The following NPL variants were observed in gnomAD, a reference collection of about 807,000 sequenced individuals.
NPL encodes N-acetylneuraminate pyruvate lyase.
NPL carries 32 observed loss-of-function variants against 41.1 expected under a neutral mutation model. That is an observed-to-expected ratio of 0.78 (90% CI 0.59 to 1.05). The LOEUF is 1.05. NPL is among the 50% of genes least tolerant of loss of function. NPL has a pLI of 0.00. For synonymous variants in NPL, 128 were observed against 134.9 expected (o/e 0.95, Z 0.35); for missense variants, 321 against 378.4 (o/e 0.85, Z 1.26).
At chr1:182,805,941 A>G (rs1425219558) in intron 4 of NPL, among the ~76,000 whole-genome samples, 1 of 152,228 alleles carries the variant, frequency 6.6e-6, no homozygotes, top group Non-Finnish European at 1.5e-5. Context: ...CAGATTTATA[A>G]TTACAAGTCA....
At chr1:182,791,601 CT>C (rs763109252) in intron 1 of NPL, among the ~76,000 whole-genome samples, 3 of 152,134 alleles carry the variant, frequency 2.0e-5, no homozygotes, top group African/African-American at 4.8e-5. Context: ...CCAACGGCCC[CT>C]TGTTTTGAAT....
intron 1 of NPL, among the ~76,000 whole-genome samples, chr1:182,791,095 C>G (rs1265903524): frequency 6.6e-6 from 1 of 152,134 alleles, no homozygotes; most frequent in Non-Finnish European, 1.5e-5. Flanking sequence ...CAAAACCACC[C>G]TGCTTAATAA....
chr1:182,817,391 T>C (rs1461071759), intron 8 of NPL, among the ~76,000 whole-genome samples: 1 of 152,226 alleles, frequency 6.6e-6, no homozygotes, highest in Non-Finnish European at 1.5e-5. Flanking sequence ...TATTCTCTAC[T>C]CTCATACTTA....
chr1:182,829,877 G>T lies in NPL; in HGVS notation c.*969G>T. 1 of 503,302 alleles carries T rather than the reference G, an allele frequency of 2.0e-6. No homozygotes were observed. The highest frequency in any genetic ancestry group is 3.2e-5 in the South Asian group (1 of 30,870). 31.2% of individuals were successfully genotyped at this position (503,302 alleles called of 1,614,324 possible). ...CCTCCTTTTACTCTTTTCTTTCTGT[G>T]TAATGTATCAACAACTGTTTAATCT... is the stretch of plus-strand genomic sequence containing the variant. On this transcript the variant is annotated 3_prime_UTR_variant, in exon 13 of 13. Transcript: ENST00000367553.
intron 7 of NPL, among the ~76,000 whole-genome samples, chr1:182,816,194 T>C (rs965003591): frequency 2.6e-5 from 4 of 152,250 alleles, no homozygotes; most frequent in African/African-American, 9.6e-5. Flanking sequence ...TCTTTTGATG[T>C]ATCTGGATTT....
intron 6 of NPL, 82 bp downstream of exon 6, chr1:182,812,295 C>CAAA: frequency 2.5e-6 from 3 of 1,187,962 alleles, no homozygotes; most frequent in Non-Finnish European, 2.5e-6. Context: ...ACTATATTTG[C>CAAA]TATGTAGTAG....
intron 12 of NPL, 30 bp downstream of exon 12, chr1:182,825,850 G>C: frequency 6.4e-7 from 1 of 1,552,462 alleles, no homozygotes; most frequent in Non-Finnish European, 8.9e-7. Context: ...TGCTTTGTCT[G>C]CTGCTGGAGA....
At chr1:182,806,889 T>C (rs1244631256) in intron 5 of NPL, among the ~76,000 whole-genome samples, 1 of 152,218 alleles carries the variant, frequency 6.6e-6, no homozygotes, top group Non-Finnish European at 1.5e-5. Flanking sequence ...TCGCCCAGGC[T>C]GGAGTGCAGC....
chr1:182,814,079 T>C (rs1667256499), intron 6 of NPL, among the ~76,000 whole-genome samples: 1 of 152,262 alleles, frequency 6.6e-6, no homozygotes, highest in Non-Finnish European at 1.5e-5. Flanking sequence ...AAACAACAAG[T>C]ATCTACTGGT....
Position 182,803,761 on chromosome 1 carries a change from G to A in NPL, c.132G>A (p.Lys44=). The stretch of plus-strand genomic sequence containing the variant: ...ATCTTGTGAAAGAACAGGGAGTGAA[G>A]AACATTTTTGGTAAGTCAACTCTGG... ...VDYLVKEQGV[K]NIFVNGTTGE... is the part of the protein sequence containing the mutation. Residue 44 remains lysine (K), a synonymous_variant, in exon 4 of 13, where the codon AAG becomes AAA. Coordinates refer to ENST00000367553, the MANE Select transcript of NPL (RefSeq NM_030769.3). The A allele has an allele frequency of 1.9e-6, 3 of 1,611,188 alleles. No homozygotes were observed. Among genetic ancestry groups the A allele is most frequent in the Non-Finnish European group, 2.5e-6 (3 of 1,177,342 alleles).
rs78799057 is a variant in NPL, at chr1:182,824,988, G to A, written c.739-793G>A. Among the ~76,000 whole-genome samples, 589 of 152,272 alleles carry A rather than the reference G, an allele frequency of 3.9e-3. 3 individuals carry two copies. The highest frequency in any genetic ancestry group is 6.6e-3 in the Non-Finnish European group (447 of 68,024). On this transcript the variant is annotated intron_variant, in intron 11 of 12. Transcript: ENST00000367553. The stretch of plus-strand genomic sequence containing the variant: ...CATGTAAGTTAGATAATAATGGAAG[G>A]AATTTTGTTATAGCAGTGTCACCCA...
At chr1:182,822,293 A>G (rs1048107848) in intron 11 of NPL, 94 bp downstream of exon 11, 22 of 841,094 alleles carry the variant, frequency 2.6e-5, no homozygotes, top group Non-Finnish European at 4.5e-5. Flanking sequence ...GCCCTCATTA[A>G]AATTGCCCAG....
At position 182,818,523 on chromosome 1, in the gene NPL, A is replaced by C. The variant is rs1455964263; in HGVS notation, c.458-18A>C. The C allele has an allele frequency of 6.2e-7, 1 of 1,613,328 alleles. No individual in the cohort carries two copies. Among genetic ancestry groups the C allele is most frequent in the Non-Finnish European group, 8.5e-7 (1 of 1,179,994 alleles). On this transcript the variant is annotated intron_variant, in intron 8 of 12. Coordinates refer to ENST00000367553, the MANE Select transcript of NPL (RefSeq NM_030769.3). ...CTAGAGATGTGCAGATTAATGAGGCACTTATTATTTTGAGCAGTTCGTGCT... is the reference window on the plus strand; with the variant it reads ...CTAGAGATGTGCAGATTAATGAGGCCCTTATTATTTTGAGCAGTTCGTGCT...
At chr1:182,796,166 CAAAA>C (rs11419574) in intron 3 of NPL, among the ~76,000 whole-genome samples, 3 of 103,228 alleles carry the variant, frequency 2.9e-5, no homozygotes, top group African/African-American at 3.6e-5. Flanking sequence ...GGTGTGAAAT[CAAAA>C]AAAAAAAAAA....
At chr1:182,813,301 A>G (rs1467166607) in intron 6 of NPL, among the ~76,000 whole-genome samples, 4 of 152,150 alleles carry the variant, frequency 2.6e-5, no homozygotes, top group African/African-American at 9.7e-5. Context: ...CTTCTTCTTA[A>G]TGGGTTTTGT....
chr1:182,811,664 C>G (rs1667179688), intron 5 of NPL, among the ~76,000 whole-genome samples: 1 of 152,118 alleles, frequency 6.6e-6, no homozygotes, highest in Non-Finnish European at 1.5e-5. Context: ...TGATCCTCTG[C>G]CTCTAACTTA....
At position 182,828,964 on chromosome 1, in the gene NPL, G is replaced by A. The variant is rs1315083671; in HGVS notation, c.*56G>A. ...TGAGACATAATCTACCTTAAATAGT[G>A]CATTTTTTTCTCAGGGAATTTTAGA... On this transcript the variant is annotated 3_prime_UTR_variant, in exon 13 of 13. Transcript: ENST00000367553. This position sits in a 1 kb window ranked among gnomAD's most constrained non-coding sequence, Gnocchi z 4.0. The A allele has an allele frequency of 1.9e-6, 3 of 1,606,900 alleles. No individual in the cohort carries two copies. Among genetic ancestry groups the A allele is most frequent in the Non-Finnish European group, 2.5e-6 (3 of 1,178,846 alleles).
intron 12 of NPL, among the ~76,000 whole-genome samples, chr1:182,827,275 T>C (rs1464141321): frequency 6.6e-6 from 1 of 152,232 alleles, no homozygotes; most frequent in Admixed American, 6.5e-5. Flanking sequence ...TTTTAGAAGA[T>C]GGGGATTGGG....
At chr1:182,813,706 A>T (rs1667243756) in intron 6 of NPL, among the ~76,000 whole-genome samples, 1 of 152,212 alleles carries the variant, frequency 6.6e-6, no homozygotes, top group East Asian at 1.9e-4. Context: ...GTATAGGGGT[A>T]GTCTTGCCAA....
Sources: gnomAD v4.1 joint callset for allele counts (sites outside exome capture counted in the v4.1 genomes callset) on GRCh38, gnomAD v4.1.1 for gene constraint, Gnocchi (gnomAD v3.1) non-coding constraint, MANE v1.5 for transcripts, NCBI Gene and HGNC (gene_info 2026-07-23, HGNC 2026-07-21) for gene names.